The following COL28A1 variants were observed in gnomAD, a reference collection of about 807,000 sequenced individuals.
COL28A1 encodes collagen type XXVIII alpha 1 chain, also known as collagen alpha-1(XXVIII) chain.
A neutral mutation model predicts 150.2 loss-of-function variants in COL28A1; 161 were observed. The observed-to-expected ratio is 1.07, with a 90% CI of 0.94 to 1.22. COL28A1 has a LOEUF of 1.22. COL28A1 is among the 50% of genes most tolerant of loss of function. The pLI is 0.00. For synonymous variants in COL28A1, 552 were observed against 469.7 expected, an observed-to-expected ratio of 1.18 and a Z score of -2.26; for missense variants, 1,617 against 1,388.3, an observed-to-expected ratio of 1.16 and a Z score of -2.62.
intron 15 of COL28A1, among the ~76,000 whole-genome samples, chr7:7,457,325 T>G (rs1583419858): frequency 6.6e-6 from 1 of 151,940 alleles, no homozygotes; most frequent in Admixed American, 6.6e-5. Flanking sequence ...GTGGAGGTGG[T>G]GGGGAGTGCT....
chr7:7,390,758 G>T (rs1167105666), intron 27 of COL28A1, among the ~76,000 whole-genome samples: 8 of 152,148 alleles, frequency 5.3e-5, no homozygotes. Context: ...ATTTCTTCTA[G>T]ATTTTCTAGT....
intron 27 of COL28A1, among the ~76,000 whole-genome samples, chr7:7,415,792 A>G (rs1482748099): frequency 6.6e-6 from 1 of 151,918 alleles, no homozygotes; most frequent in Non-Finnish European, 1.5e-5. Flanking sequence ...TCGGCCTCCC[A>G]AAGTGCTGGG....
chr7:7,523,161 TTTTC>T (rs1221469976), intron 4 of COL28A1, among the ~76,000 whole-genome samples: 2 of 84,738 alleles, frequency 2.4e-5, no homozygotes, highest in East Asian at 7.5e-4. Context: ...CCTTTCTTTC[TTTTC>T]TTTTTTTTTT....
intron 8 of COL28A1, among the ~76,000 whole-genome samples, chr7:7,512,934 A>G (rs1781226857): frequency 1.3e-5 from 2 of 152,220 alleles, no homozygotes; most frequent in Admixed American, 6.5e-5. Flanking sequence ...TTACATTCAA[A>G]TGTAAATCAA....
intron 31 of COL28A1, among the ~76,000 whole-genome samples, chr7:7,374,024 T>TAAAAAAAAAAAAA (rs1188442971): frequency 2.6e-5 from 3 of 116,380 alleles, no homozygotes; most frequent in African/African-American, 8.6e-5. Flanking sequence ...ACTTGACTCT[T>TAAAAAAAAAAAAA]AAAAAAAAAA....
chr7:7,474,125 T>C (rs904254672), intron 15 of COL28A1, among the ~76,000 whole-genome samples: 1 of 149,090 alleles, frequency 6.7e-6, no homozygotes, highest in African/African-American at 2.5e-5. Flanking sequence ...AAGGAATGAA[T>C]TAATGGCATT....
Position 7,358,685 on chromosome 7 carries a change from C to T in COL28A1, c.3326G>A (p.Gly1109Glu). The T allele has an allele frequency of 6.2e-7, 1 of 1,614,022 alleles. No homozygotes were observed. Among genetic ancestry groups the T allele is most frequent in the Non-Finnish European group, 8.5e-7 (1 of 1,179,970 alleles). The change falls in exon 35 of 35, where the codon GGA (glycine) becomes GAA (glutamate). Residue 1109 changes from glycine to glutamate, a missense_variant. Transcript: ENST00000399429. ...RFWFSGCNGSGNRFNSEKECQ... is the reference protein window; with the variant it reads ...RFWFSGCNGSENRFNSEKECQ... The stretch of plus-strand genomic sequence containing the variant: ...TTCCTTTTCACTGTTGAATCTATTT[C>T]CTGAGCCATTACAGCCACTGAACCA...
intron 15 of COL28A1, among the ~76,000 whole-genome samples, chr7:7,462,262 G>A (rs1381699136): frequency 6.6e-6 from 1 of 152,178 alleles, no homozygotes; most frequent in Non-Finnish European, 1.5e-5. Context: ...CTCTGACAGG[G>A]CCTACCCAAA....
intron 27 of COL28A1, among the ~76,000 whole-genome samples, chr7:7,409,267 C>T (rs576041070): frequency 7.9e-5 from 12 of 152,142 alleles, no homozygotes; most frequent in East Asian, 7.7e-4. Flanking sequence ...GAAATTCATG[C>T]GCTATAAAGG....
intron 27 of COL28A1, among the ~76,000 whole-genome samples, chr7:7,410,190 C>T (rs951108212): frequency 6.6e-6 from 1 of 152,156 alleles, no homozygotes; most frequent in Non-Finnish European, 1.5e-5. Context: ...GTGTACTACC[C>T]TACAGAGAAT....
intron 8 of COL28A1, chr7:7,511,930 C>A (rs7798119): frequency 0.11 from 40,055 of 361,630 alleles, 2,374 homozygotes; most frequent in Middle Eastern, 0.24. Flanking sequence ...TCTGACATTA[C>A]CTGTCTGAGA....
At chr7:7,367,832 A>G (rs1469835826) in intron 33 of COL28A1, among the ~76,000 whole-genome samples, 3 of 140,996 alleles carry the variant, frequency 2.1e-5, no homozygotes, top group Non-Finnish European at 4.7e-5. Flanking sequence ...AAAAAAAACC[A>G]CCCTGCCTTT....
At chr7:7,540,227 G>A (rs919315938), upstream of COL28A1, among the ~76,000 whole-genome samples, 1 of 152,106 alleles carries the variant, frequency 6.6e-6, no homozygotes, top group Non-Finnish European at 1.5e-5. Flanking sequence ...TTTTCATGCA[G>A]AGCCTACAAA....
At chr7:7,525,560 G>A (rs1781979397) in intron 3 of COL28A1, among the ~76,000 whole-genome samples, 1 of 152,216 alleles carries the variant, frequency 6.6e-6, no homozygotes, top group African/African-American at 2.4e-5. Context: ...AGATGAAGGA[G>A]CAAGCACTGG....
At chr7:7,367,033 C>T (rs1780968298) in intron 33 of COL28A1, among the ~76,000 whole-genome samples, 1 of 152,218 alleles carries the variant, frequency 6.6e-6, no homozygotes, top group African/African-American at 2.4e-5. Flanking sequence ...GTCAACCACA[C>T]ACATACATGA....
chr7:7,535,392 A>G (rs57830645), intron 1 of COL28A1, among the ~76,000 whole-genome samples: 6,550 of 152,206 alleles, frequency 0.043, 497 homozygotes, highest in African/African-American at 0.15. Context: ...GATTGAATAA[A>G]GACTTTATTC....
intron 3 of COL28A1, among the ~76,000 whole-genome samples, chr7:7,529,906 C>T (rs1782252169): frequency 6.6e-6 from 1 of 152,158 alleles, no homozygotes; most frequent in African/African-American, 2.4e-5. Flanking sequence ...TGCAAAAGAG[C>T]TGCTCAGAAT....
In COL28A1 at chr7:7,373,178, G is replaced by C. The variant is rs201662547; in HGVS notation, c.2728C>G (p.Arg910Gly). 15 of 1,613,924 alleles carry C rather than the reference G, an allele frequency of 9.3e-6. No individual in the cohort carries two copies. The highest frequency in any genetic ancestry group is 1.3e-5 in the Non-Finnish European group (15 of 1,180,038). The change falls in exon 32 of 35, where the codon CGT becomes GGT. Residue 910 changes from arginine (R) to glycine (G), a missense_variant. By Grantham distance (125) the Arg-to-Gly change is moderately radical. Coordinates refer to ENST00000399429, the MANE Select transcript of COL28A1 (RefSeq NM_001037763.3). The surrounding 1 kb of genome is among the most constrained non-coding windows in gnomAD (Gnocchi z 4.1). ...ACCTCTGTCAGTTTCTCTTTATCACGAGAATCTGTCTGTCCATCAGTGATG... is the reference window on the plus strand; with the variant it reads ...ACCTCTGTCAGTTTCTCTTTATCACCAGAATCTGTCTGTCCATCAGTGATG... ...LVITDGQTDS[R>G]DKEKLTEVVK...
chr7:7,415,938 G>T (rs1020782081), intron 27 of COL28A1, among the ~76,000 whole-genome samples: 2 of 152,114 alleles, frequency 1.3e-5, no homozygotes, highest in Non-Finnish European at 2.9e-5. Context: ...GAGTAGTTGG[G>T]ACTACAGACA....
Sources: gnomAD v4.1 joint callset for allele counts (sites outside exome capture counted in the v4.1 genomes callset) on GRCh38, gnomAD v4.1.1 for gene constraint, Gnocchi (gnomAD v3.1) non-coding constraint, MANE v1.5 for transcripts, NCBI Gene and HGNC (gene_info 2026-07-23, HGNC 2026-07-21) for gene names.